The following RAB3C variants were observed in gnomAD, a reference collection of about 807,000 sequenced individuals.
RAB3C encodes the protein RAB3C, member RAS oncogene family.
In RAB3C, 17 loss-of-function variants were observed where a neutral mutation model predicts 26.4. The ratio of observed to expected loss-of-function variants is 0.64; its 90% CI spans 0.44 to 0.97. The LOEUF is 0.97. Ranked by LOEUF, RAB3C falls within the 50% of genes least tolerant of loss-of-function variation. RAB3C has a pLI of 0.00. For synonymous variants in RAB3C, 91 were observed against 95.9 expected, an observed-to-expected ratio of 0.95 and a Z score of 0.30; for missense variants, 242 against 281.9, an observed-to-expected ratio of 0.86 and a Z score of 1.01.
intron 2 of RAB3C, among the ~76,000 whole-genome samples, chr5:58,667,407 G>T (rs982322010): frequency 2.0e-5 from 3 of 152,148 alleles, no homozygotes; most frequent in African/African-American, 7.2e-5. Context: ...CTGGAATGTA[G>T]TTGTAAGGCC....
chr5:58,836,123 A>C (rs1743741000), intron 4 of RAB3C, among the ~76,000 whole-genome samples: 2 of 152,218 alleles, frequency 1.3e-5, no homozygotes, highest in Admixed American at 1.3e-4. Context: ...CCTGTTAGAC[A>C]ATCAGTGTAT....
At chr5:58,701,421 T>C (rs541253533) in intron 2 of RAB3C, among the ~76,000 whole-genome samples, 1 of 152,336 alleles carries the variant, frequency 6.6e-6, no homozygotes, top group Non-Finnish European at 1.5e-5. Context: ...AATTATAGTT[T>C]AGTTTACTTA....
intron 2 of RAB3C, among the ~76,000 whole-genome samples, chr5:58,693,754 C>T (rs766671510): frequency 9.9e-5 from 15 of 152,058 alleles, no homozygotes; most frequent in Non-Finnish European, 1.9e-4. Context: ...ACCCAGTGAC[C>T]AGAACATGCA....
chr5:58,784,031 G>T (rs1199587210), intron 3 of RAB3C, among the ~76,000 whole-genome samples: 3 of 152,078 alleles, frequency 2.0e-5, no homozygotes, highest in Admixed American at 6.6e-5. Context: ...CTGGTATATT[G>T]TGCCTGGTTC....
chr5:58,668,497 C>T (rs1748045237), intron 2 of RAB3C, among the ~76,000 whole-genome samples: 1 of 152,032 alleles, frequency 6.6e-6, no homozygotes, highest in Admixed American at 6.6e-5. Flanking sequence ...TTATTAAAGC[C>T]CAACCAATGG....
At chr5:58,772,986 T>G (rs1281468823) in intron 3 of RAB3C, among the ~76,000 whole-genome samples, 7 of 152,174 alleles carry the variant, frequency 4.6e-5, no homozygotes, top group African/African-American at 7.2e-5. Flanking sequence ...TTTATGCTTT[T>G]CATGCATCGT....
At chr5:58,714,421 A>G (rs780806589) in intron 2 of RAB3C, among the ~76,000 whole-genome samples, 4 of 152,206 alleles carry the variant, frequency 2.6e-5, no homozygotes, top group Non-Finnish European at 5.9e-5. Flanking sequence ...GACATACAAA[A>G]GAAGTATTTA....
intron 3 of RAB3C, among the ~76,000 whole-genome samples, chr5:58,799,773 A>C (rs187184570): frequency 6.6e-6 from 1 of 152,272 alleles, no homozygotes; most frequent in Admixed American, 6.5e-5. Flanking sequence ...GCATGCTGGG[A>C]TCTAAATGAA....
intron 2 of RAB3C, among the ~76,000 whole-genome samples, chr5:58,639,687 A>G (rs1054990545): frequency 2.0e-5 from 3 of 152,134 alleles, no homozygotes; most frequent in Non-Finnish European, 4.4e-5. Context: ...GGAGAACACA[A>G]ACTTTCAGTC....
In RAB3C at chr5:58,668,078, T is replaced by C. The variant is rs576942706; in HGVS notation, c.252+50208T>C. Among the ~76,000 whole-genome samples the C allele has an allele frequency of 2.6e-5, 4 of 152,324 alleles. No homozygotes were observed. The East Asian group carries it at 7.7e-4, about 29-fold the overall frequency. On this transcript the variant is annotated intron_variant, in intron 2 of 4. Transcript: ENST00000282878. ...GTAGACTTGACCTCATTGTAGATGC[T>C]GTAAGTATGATATATAACATAGCTT... is the stretch of plus-strand genomic sequence containing the variant.
chr5:58,836,172 C>T (rs1200353661), intron 4 of RAB3C, among the ~76,000 whole-genome samples: 1 of 152,018 alleles, frequency 6.6e-6, no homozygotes, highest in African/African-American at 2.4e-5. Context: ...GAAAGGCTAT[C>T]AATTTATTAT....
At chr5:58,851,135 C>A in intron 4 of RAB3C, 29 bp from the exon 5 acceptor site, 1 of 1,563,326 alleles carries the variant, frequency 6.4e-7, no homozygotes, top group Non-Finnish European at 8.6e-7. Context: ...GCAAAATAAC[C>A]AAGATGTGTT....
At chr5:58,701,161 A>G (rs547601076) in intron 2 of RAB3C, among the ~76,000 whole-genome samples, 1 of 151,878 alleles carries the variant, frequency 6.6e-6, no homozygotes, top group South Asian at 2.1e-4. Flanking sequence ...ATGCCCAGCT[A>G]ATTTTTTGAT....
chr5:58,599,572 G>A (rs1746404513), intron 1 of RAB3C, among the ~76,000 whole-genome samples: 1 of 152,156 alleles, frequency 6.6e-6, no homozygotes, highest in South Asian at 2.1e-4. Flanking sequence ...TCCACTCTGG[G>A]AAACCGCTGG....
chr5:58,721,676 T>A (rs1740769871), intron 2 of RAB3C, among the ~76,000 whole-genome samples: 2 of 151,892 alleles, frequency 1.3e-5, no homozygotes, highest in Non-Finnish European at 2.9e-5. Flanking sequence ...GAGTTTATAA[T>A]CCTGAAATTG....
intron 2 of RAB3C, among the ~76,000 whole-genome samples, chr5:58,639,768 C>A (rs1419469913): frequency 6.6e-6 from 1 of 152,166 alleles, no homozygotes. Flanking sequence ...CACCTGCTCA[C>A]CACAAGTTCC....
At chr5:58,596,696 ATATAT>A (rs201971762) in intron 1 of RAB3C, among the ~76,000 whole-genome samples, 1,205 of 39,124 alleles carry the variant, frequency 0.031, 194 homozygotes, top group Non-Finnish European at 0.041. Flanking sequence ...ATAATACATA[ATATAT>A]TATATATAAA....
At chr5:58,840,351 G>A (rs923331089) in intron 4 of RAB3C, among the ~76,000 whole-genome samples, 8 of 152,018 alleles carry the variant, frequency 5.3e-5, no homozygotes, top group East Asian at 3.9e-4. Flanking sequence ...TCTCTTTGTC[G>A]AATTTCTCAT....
intron 1 of RAB3C, among the ~76,000 whole-genome samples, chr5:58,599,972 A>G (rs1411587380): frequency 2.8e-4 from 43 of 152,122 alleles, no homozygotes; most frequent in Admixed American, 2.8e-3. Flanking sequence ...CTACATTTTT[A>G]TAGTTTCACG....
Sources: gnomAD v4.1 joint callset for allele counts (sites outside exome capture counted in the v4.1 genomes callset) on GRCh38, gnomAD v4.1.1 for gene constraint, MANE v1.5 for transcripts, NCBI Gene and HGNC (gene_info 2026-07-23, HGNC 2026-07-21) for gene names.